Variants in CERCAM observed in about 807,000 individuals in gnomAD.
CERCAM encodes inactive glycosyltransferase 25 family member 3.
Under a neutral mutation model 66.0 loss-of-function variants are expected in CERCAM, and 59 were observed. The ratio of observed to expected loss-of-function variants is 0.89; its 90% CI spans 0.73 to 1.11. The LOEUF is 1.11. Among genes scored for constraint, CERCAM ranks in the 50% most tolerant of loss-of-function variants. The probability of loss-of-function intolerance (pLI) is 0.00; values close to 1 mark genes in which losing one functional copy is unlikely to be tolerated. For missense variants in CERCAM, 840 were observed against 828.3 expected (o/e 1.01, Z -0.17); for synonymous variants, 318 against 343.6 (o/e 0.93, Z 0.83).
chr9:128,428,336 T>C lies in CERCAM; in HGVS notation c.801T>C (p.Tyr267=). ...VSVHVCNEHR[Y]GYMNVPVKSH... is the part of the protein sequence containing the mutation. The stretch of plus-strand genomic sequence containing the variant: ...TCCACGTGTGCAATGAGCACCGTTA[T>C]GGGTACATGAATGTGCCGGTGAAAT... Residue 267 remains tyrosine, a synonymous_variant, in exon 6 of 13, where the codon TAT becomes TAC. Coordinates refer to ENST00000372838, the MANE Select transcript of CERCAM (RefSeq NM_016174.5). 2 of 1,614,140 alleles carry C rather than the reference T, an allele frequency of 1.2e-6. No individual in the cohort carries two copies. Among genetic ancestry groups the C allele is most frequent in the Non-Finnish European group, 1.7e-6 (2 of 1,180,002 alleles).
At chr9:128,422,215 G>A (rs1166714151) in intron 1 of CERCAM, 2 of 152,434 alleles carry the variant, frequency 1.3e-5, no homozygotes, top group African/African-American at 2.4e-5. Flanking sequence ...ACCTAACGAA[G>A]GTAACCAGGG....
At chr9:128,431,358 G>A in intron 9 of CERCAM, 55 bp downstream of exon 9, 1 of 1,606,250 alleles carries the variant, frequency 6.2e-7, no homozygotes, top group East Asian at 2.2e-5. Flanking sequence ...GGGCCAGTTT[G>A]TTCTATTCAC....
intron 8 of CERCAM, 23 bp downstream of exon 8, chr9:128,429,059 G>T (rs2072399): frequency 0.17 from 260,113 of 1,539,968 alleles, 24,916 homozygotes; most frequent in East Asian, 0.39. Flanking sequence ...GGTGGGGGGG[G>T]CCCTGTGCGC....
At position 128,434,550 on chromosome 9, in the gene CERCAM, A is replaced by G; in HGVS notation, c.1472A>G (p.Gln491Arg). ...GGTGCCCGCAAGCTGCTGGCCTCAC[A>G]GCCTCTGCGCCGCATGCTGCCCGTG... ...LAGARKLLASQPLRRMLPVDE... is the reference protein window; with the variant it reads ...LAGARKLLASRPLRRMLPVDE... Residue 491 changes from glutamine (Q) to arginine (R), a missense_variant, in exon 11 of 13, where the codon CAG becomes CGG. Gln to Arg is a conservative substitution (Grantham distance 43). Transcript: ENST00000372838. This position sits in a 1 kb window ranked among gnomAD's most constrained non-coding sequence, Gnocchi z 4.5. The G allele has an allele frequency of 6.2e-7, 1 of 1,612,180 alleles. No homozygotes were observed. Among genetic ancestry groups the G allele is most frequent in the South Asian group, 1.1e-5 (1 of 91,064 alleles).
chr9:128,421,797 T>A (rs7042530), intron 1 of CERCAM: 50,286 of 152,680 alleles, frequency 0.33, 11,513 homozygotes, highest in African/African-American at 0.65. Context: ...GCCACCCTCT[T>A]CAACACACCA....
chr9:128,436,539 C>T (rs1316124039), intron 12 of CERCAM, among the ~76,000 whole-genome samples: 1 of 151,828 alleles, frequency 6.6e-6, no homozygotes. Context: ...TGAGCCACCG[C>T]GCCTGGCCTT....
At chr9:128,429,922 G>A (rs1312201181) in intron 8 of CERCAM, among the ~76,000 whole-genome samples, 1 of 151,820 alleles carries the variant, frequency 6.6e-6, no homozygotes, top group African/African-American at 2.4e-5. Flanking sequence ...CCAAGTAGCT[G>A]TGATTACAGG....
At position 128,424,086 on chromosome 9, in the gene CERCAM, G is replaced by A. The variant is rs1833777784; in HGVS notation, c.427-52G>A. On this transcript the variant is annotated intron_variant, in intron 3 of 12. Coordinates refer to ENST00000372838, the MANE Select transcript of CERCAM (RefSeq NM_016174.5). ...GGCAGGACCACTCAGTGAACTCCTT[G>A]GGGGGCTGCAGCCCAGGCAGGGCTG... 4 of 1,590,946 alleles carry A rather than the reference G, an allele frequency of 2.5e-6. No individual in the cohort carries two copies. The African/African-American group carries it at 4.0e-5, about 16-fold the overall frequency.
intron 11 of CERCAM, 130 bp from the exon 12 acceptor site, chr9:128,435,523 G>T: frequency 1.0e-6 from 1 of 953,424 alleles, no homozygotes; most frequent in South Asian, 1.7e-5. Flanking sequence ...CACTGCTCAG[G>T]GCCGCTGTGA....
chr9:128,433,202 C>T (rs555735011), intron 9 of CERCAM, among the ~76,000 whole-genome samples: 1 of 151,598 alleles, frequency 6.6e-6, no homozygotes, highest in African/African-American at 2.4e-5. Context: ...TGGCGTGAAC[C>T]CAGGAGGCGG....
intron 5 of CERCAM, among the ~76,000 whole-genome samples, chr9:128,425,551 G>T (rs1178544461): frequency 1.3e-5 from 2 of 149,476 alleles, no homozygotes; most frequent in East Asian, 2.0e-4. Context: ...TGCTCTTGTT[G>T]CCCAGGCTGG....
chr9:128,429,953 T>TC (rs2131337688), intron 8 of CERCAM, among the ~76,000 whole-genome samples: 1 of 149,570 alleles, frequency 6.7e-6, no homozygotes, highest in South Asian at 2.1e-4. Flanking sequence ...CACACCCGGA[T>TC]TAAAAAAAAT....
intron 9 of CERCAM, chr9:128,432,035 T>G (rs1413922894): frequency 1.3e-5 from 2 of 152,496 alleles, no homozygotes; most frequent in Non-Finnish European, 2.9e-5. Flanking sequence ...TTGTTTTGTT[T>G]TGTTTTCTGA....
intron 1 of CERCAM, 53 bp from the exon 2 acceptor site, chr9:128,422,815 G>A: frequency 6.3e-7 from 1 of 1,599,356 alleles, no homozygotes; most frequent in African/African-American, 1.3e-5. Flanking sequence ...AGGCTGCCTT[G>A]GGGTTCAATC....
rs949683943 is a variant in CERCAM, at chr9:128,431,179, A to G, written c.1079A>G (p.Asn360Ser). 2 of 1,613,692 alleles carry G rather than the reference A, an allele frequency of 1.2e-6. No homozygotes were observed. The highest frequency in any genetic ancestry group is 1.7e-5 in the Admixed American group (1 of 59,986). ...VVDAVDGWML[N>S]SSAIRNLGVD... ...ACACCTGTGTCCCTCAGGATGCTCA[A>G]CAGCAGTGCCATCAGGAACCTCGGC... Residue 360 changes from asparagine (N) to serine (S), a missense_variant, in exon 9 of 13, where the codon AAC (asparagine) becomes AGC (serine). Transcript: ENST00000372838.
rs768363627 is a variant in CERCAM at position 128,435,912 on chromosome 9, C to T, written c.*7C>T. On this transcript the variant is annotated splice_region_variant and intron_variant, in intron 12 of 12. Transcript: ENST00000372838. ...GCCCCGAGATGAGCTCTAGGTGAGG[C>T]CAGGGCGGGAAGAGGCCCCAGCCCC... The T allele has an allele frequency of 6.3e-7, 1 of 1,596,246 alleles. No homozygotes were observed. Among genetic ancestry groups the T allele is most frequent in the East Asian group, 2.2e-5 (1 of 44,668 alleles).
rs1431383945 is a variant in CERCAM, at chr9:128,423,252, G to A, written c.415G>A (p.Asp139Asn). ...CACCTTTGCCAGGAACTGGGGGGCCGACTATATCCTGGTGAGGAAGTCTGG... is the reference window on the plus strand; with the variant it reads ...CACCTTTGCCAGGAACTGGGGGGCCAACTATATCCTGGTGAGGAAGTCTGG... ...ALTFARNWGA[D>N]YILFADTDNI... The change falls in exon 3 of 13, where the codon GAC becomes AAC. Residue 139 changes from aspartate (D) to asparagine (N), a missense_variant. Physicochemically the swap from Asp to Asn is conservative, Grantham distance 23 (BLOSUM62 1). Coordinates refer to ENST00000372838, the MANE Select transcript of CERCAM (RefSeq NM_016174.5). 1.3e-5 allele frequency: 21 copies of A among 1,613,158 alleles called. No homozygotes were observed. The highest frequency in any genetic ancestry group is 4.5e-5 in the East Asian group (2 of 44,902).
chr9:128,433,557 C>T (rs926777451), intron 9 of CERCAM, among the ~76,000 whole-genome samples: 4 of 152,262 alleles, frequency 2.6e-5, no homozygotes, highest in African/African-American at 4.8e-5. Context: ...TGGCCTCCAC[C>T]GTTCCTGCTC....
intron 9 of CERCAM, chr9:128,431,547 G>C (rs1304930887): frequency 2.0e-6 from 1 of 501,024 alleles, no homozygotes; most frequent in Admixed American, 3.4e-5. Flanking sequence ...ACACAGAGGA[G>C]GACAGGAACA....
Sources: gnomAD v4.1 joint callset for allele counts (sites outside exome capture counted in the v4.1 genomes callset) on GRCh38, gnomAD v4.1.1 for gene constraint, Gnocchi (gnomAD v3.1) non-coding constraint, MANE v1.5 for transcripts, NCBI Gene and HGNC (gene_info 2026-07-23, HGNC 2026-07-21) for gene names.